The following SYNJ2 variants were observed in gnomAD, a reference collection of about 807,000 sequenced individuals.
SYNJ2 encodes the protein polyphosphatidylinositol phosphatase SYNJ2.
In SYNJ2, 116 loss-of-function variants were observed where a neutral mutation model predicts 141.3. That is an observed-to-expected ratio of 0.82 (90% CI 0.71 to 0.96). The LOEUF (loss-of-function observed/expected upper bound fraction) is 0.96, where lower values mean the gene tolerates loss of function less well. Among genes scored for constraint, SYNJ2 ranks in the 40% least tolerant of loss-of-function variants. SYNJ2 has a pLI of 0.00. For synonymous variants in SYNJ2, 745 were observed against 777.7 expected (o/e 0.96, Z 0.70); for missense variants, 1,873 against 1,934.8 (o/e 0.97, Z 0.60).
intron 1 of SYNJ2, among the ~76,000 whole-genome samples, chr6:157,992,161 C>G (rs1265582672): frequency 6.6e-6 from 1 of 152,226 alleles, no homozygotes; most frequent in East Asian, 1.9e-4. Context: ...TTAAAATGTA[C>G]AGTTAAATTA....
intron 1 of SYNJ2, among the ~76,000 whole-genome samples, chr6:157,993,783 C>T (rs1359281159): frequency 5.0e-5 from 2 of 40,036 alleles, no homozygotes; most frequent in Non-Finnish European, 4.9e-5. Flanking sequence ...GTTTGTGTGT[C>T]TGGAAATGTG....
intron 20 of SYNJ2, among the ~76,000 whole-genome samples, 187 bp from the exon 21 acceptor site, chr6:158,083,241 CT>C (rs905907222): frequency 6.6e-5 from 10 of 151,946 alleles, no homozygotes; most frequent in Admixed American, 2.0e-4. Flanking sequence ...CCCAGTTCAA[CT>C]TTTTTTTCAA....
chr6:158,024,626 C>T (rs1778941418), intron 2 of SYNJ2, among the ~76,000 whole-genome samples: 1 of 152,220 alleles, frequency 6.6e-6, no homozygotes, highest in East Asian at 1.9e-4. Flanking sequence ...AGTTAGGTAT[C>T]ACTGGAACGA....
At chr6:157,991,718 C>T (rs541908710) in intron 1 of SYNJ2, among the ~76,000 whole-genome samples, 1 of 152,334 alleles carries the variant, frequency 6.6e-6, no homozygotes, top group Admixed American at 6.5e-5. Context: ...GAGATGTGAT[C>T]TGGCAAGGCA....
chr6:158,033,208 G>A lies in SYNJ2; in HGVS notation c.486-247G>A, dbSNP rs141636131. ...AGTGACGACCTGGTAGTGGCTTTGGGAAAGGACTCCCTGGCCATCCTCCTC... is the reference window on the plus strand; with the variant it reads ...AGTGACGACCTGGTAGTGGCTTTGGAAAAGGACTCCCTGGCCATCCTCCTC... On this transcript the variant is annotated intron_variant, in intron 3 of 26. Coordinates refer to ENST00000355585, the MANE Select transcript of SYNJ2 (RefSeq NM_003898.4). Among the ~76,000 whole-genome samples the A allele has an allele frequency of 2.6e-3, 397 of 152,326 alleles. 1 individual carries two copies. Among genetic ancestry groups the A allele is most frequent in the Non-Finnish European group, 4.0e-3 (270 of 68,034 alleles).
At position 158,078,278 on chromosome 6, in the gene SYNJ2, A is replaced by C. The variant is rs1782451230; in HGVS notation, c.2564A>C (p.His855Pro). ...CGTGCGGAGCTACAAGCGTCTGATC[A>C]CAGGTGAGGTCCTGACTTCCATGGC... ...YGRAELQASD[H>P]RPVLAIVEVE... is the part of the protein sequence containing the mutation. Residue 855 changes from histidine to proline, a missense_variant, in exon 18 of 27, where the codon CAC (histidine) becomes CCC (proline). Physicochemically the swap from His to Pro is moderately conservative, Grantham distance 77. Transcript: ENST00000355585. The C allele has an allele frequency of 6.2e-7, 1 of 1,606,850 alleles. No homozygotes were observed. Among genetic ancestry groups the C allele is most frequent in the Admixed American group, 1.7e-5 (1 of 59,950 alleles).
chr6:158,077,939 G>A (rs1274130879), intron 17 of SYNJ2: 2 of 369,148 alleles, frequency 5.4e-6, no homozygotes, highest in East Asian at 1.1e-4. Flanking sequence ...GGCGAGGACT[G>A]CAGGCATGGT....
intron 1 of SYNJ2, among the ~76,000 whole-genome samples, chr6:158,016,258 C>T (rs1348276817): frequency 1.3e-5 from 2 of 152,238 alleles, no homozygotes; most frequent in Admixed American, 1.3e-4. Flanking sequence ...GGATTACAGG[C>T]GTGTGCCACC....
At chr6:158,078,533 A>C in intron 18 of SYNJ2, 1 of 303,218 alleles carries the variant, frequency 3.3e-6, no homozygotes, top group Non-Finnish European at 6.1e-6. Context: ...AATTTCAAAG[A>C]TGCAACCTAC....
At position 158,070,742 on chromosome 6, in the gene SYNJ2, C is replaced by T. The variant is rs567667197; in HGVS notation, c.1941-860C>T. ...TGTGGCATGGCTGTGGAAATGTTAA[C>T]AAATGTGCTTGCAGCCCATGTTTCT... is the stretch of plus-strand genomic sequence containing the variant. On this transcript the variant is annotated intron_variant, in intron 14 of 26. Transcript: ENST00000355585. This position sits in a 1 kb window ranked among gnomAD's most constrained non-coding sequence, Gnocchi z 4.0. 1.3e-5 allele frequency among the ~76,000 whole-genome samples: 2 copies of T among 152,288 alleles called. No homozygotes were observed. The highest frequency in any genetic ancestry group is 4.1e-4 in the South Asian group (2 of 4,828).
chr6:158,058,458 C>T (rs1297801388), intron 6 of SYNJ2, among the ~76,000 whole-genome samples: 1 of 152,198 alleles, frequency 6.6e-6, no homozygotes, highest in African/African-American at 2.4e-5. Flanking sequence ...GAATGTTTTC[C>T]AAAGCCTGCA....
rs1249641618 is a variant in SYNJ2 at position 158,068,805 on chromosome 6, T to C, written c.1799+77T>C. 5 of 1,519,582 alleles carry C rather than the reference T, an allele frequency of 3.3e-6. No homozygotes were observed. In the Admixed American group the frequency reaches 5.1e-5, roughly 16 times the overall value. The allele number at this position is 1,519,582 out of a possible 1,614,324, so 94.1% of individuals were successfully genotyped here. On this transcript the variant is annotated intron_variant, in intron 13 of 26. Coordinates refer to ENST00000355585, the MANE Select transcript of SYNJ2 (RefSeq NM_003898.4). ...TGGCTGGGAGCAGAGCCTCTGAGGC[T>C]CTCCGGGAGCCAGCCTGCTTCTGAG...
intron 6 of SYNJ2, among the ~76,000 whole-genome samples, chr6:158,058,241 G>C (rs1215992223): frequency 6.6e-6 from 1 of 152,010 alleles, no homozygotes; most frequent in African/African-American, 2.4e-5. Context: ...CTATATTTAG[G>C]CATAAAGATT....
chr6:157,986,298 G>A (rs1184095321), intron 1 of SYNJ2, among the ~76,000 whole-genome samples: 1 of 152,198 alleles, frequency 6.6e-6, no homozygotes, highest in Non-Finnish European at 1.5e-5. Flanking sequence ...TCAGCGTAGT[G>A]TTTACAAAAT....
chr6:158,068,140 T>TAA (rs35047437), intron 12 of SYNJ2, among the ~76,000 whole-genome samples: 33 of 126,080 alleles, frequency 2.6e-4, no homozygotes, highest in African/African-American at 8.3e-4. Flanking sequence ...TTGTTTTATT[T>TAA]AAAAAAAAAA....
rs1242257252 is a variant in SYNJ2, at chr6:158,071,164, C to A, written c.1941-438C>A. Reference sequence around the variant, plus strand: ...CGCTGCTGCACTCCAGCCAGGGTGACAGAGCGAGACTCTGTCTCAAAATAA... The same window carrying A: ...CGCTGCTGCACTCCAGCCAGGGTGAAAGAGCGAGACTCTGTCTCAAAATAA... On this transcript the variant is annotated intron_variant, in intron 14 of 26. Coordinates refer to ENST00000355585, the MANE Select transcript of SYNJ2 (RefSeq NM_003898.4). The surrounding 1 kb of genome is among the most constrained non-coding windows in gnomAD (Gnocchi z 4.3). Among the ~76,000 whole-genome samples, 1 of 152,192 alleles carries A rather than the reference C, an allele frequency of 6.6e-6. No homozygotes were observed. Among genetic ancestry groups the A allele is most frequent in the Non-Finnish European group, 1.5e-5 (1 of 68,026 alleles).
At chr6:158,017,897 C>T (rs576076008) in intron 2 of SYNJ2, 38 of 437,626 alleles carry the variant, frequency 8.7e-5, no homozygotes, top group South Asian at 4.0e-4. Flanking sequence ...TGCTTGCCGG[C>T]GAGGGCCTAA....
chr6:158,091,044 G>A (rs1032787739), intron 25 of SYNJ2, among the ~76,000 whole-genome samples: 4 of 152,046 alleles, frequency 2.6e-5, no homozygotes, highest in African/African-American at 4.8e-5. Context: ...TAGGCCGGGC[G>A]CGGTGGCTCA....
At position 158,010,333 on chromosome 6, in the gene SYNJ2, T is replaced by TG. The variant is rs1390313285; in HGVS notation, c.128-6866dup. ...ACATAATTGAGAAAATACAGTTGTTTGGGGGCAAGTAGGGTGCGGGGTGAC... is the reference window on the plus strand; with the variant it reads ...ACATAATTGAGAAAATACAGTTGTTTGGGGGGCAAGTAGGGTGCGGGGTGAC... On this transcript the variant is annotated intron_variant, in intron 1 of 26. Transcript: ENST00000355585. Among the ~76,000 whole-genome samples, 3 of 152,164 alleles carry TG rather than the reference T, an allele frequency of 2.0e-5. No homozygotes were observed. In the East Asian group the frequency reaches 5.8e-4, roughly 29 times the overall value.
Sources: allele counts gnomAD v4.1 joint callset (sites outside exome capture counted in the v4.1 genomes callset), GRCh38; gene constraint gnomAD v4.1.1; non-coding constraint Gnocchi (gnomAD v3.1); transcripts MANE v1.5; gene names NCBI Gene and HGNC (gene_info 2026-07-23, HGNC 2026-07-21).